The following MGRN1 variants were observed in gnomAD, a reference collection of about 807,000 sequenced individuals.
MGRN1 encodes the protein E3 ubiquitin-protein ligase MGRN1.
In MGRN1, 29 loss-of-function variants were observed where a neutral mutation model predicts 69.2. The observed-to-expected ratio is 0.42, with a 90% CI of 0.31 to 0.57. The LOEUF is 0.57. Among genes scored for constraint, MGRN1 ranks in the 20% least tolerant of loss-of-function variants. The probability of loss-of-function intolerance (pLI) is 0.15; values close to 1 mark genes in which losing one functional copy is unlikely to be tolerated. For missense variants in MGRN1, 998 were observed against 796.2 expected, an observed-to-expected ratio of 1.25 and a Z score of -3.05; for synonymous variants, 470 against 344.2, an observed-to-expected ratio of 1.37 and a Z score of -4.04.
chr16:4,659,818 G>T (rs1370121818), intron 5 of MGRN1, among the ~76,000 whole-genome samples: 1 of 151,140 alleles, frequency 6.6e-6, no homozygotes, highest in African/African-American at 2.4e-5. Context: ...AGAGAAGGCT[G>T]GGTGGCCTGA....
chr16:4,664,254 A>G (rs573388676), intron 5 of MGRN1: 3 of 232,192 alleles, frequency 1.3e-5, no homozygotes, highest in South Asian at 1.2e-4. Flanking sequence ...AAACATACCT[A>G]GACACAGAAG....
chr16:4,642,744 G>A lies in MGRN1; in HGVS notation c.89-7621G>A, dbSNP rs111589155. Among the ~76,000 whole-genome samples, 635 of 152,058 alleles carry A rather than the reference G, an allele frequency of 4.2e-3. 5 individuals carry two copies. Among genetic ancestry groups the A allele is most frequent in the African/African-American group, 0.015 (608 of 41,460 alleles). ...GGCCTCCCAAAGTGCTGGGATTACA[G>A]GGGTGAGCACCGTGCCTGGTGGGTT... On this transcript the variant is annotated intron_variant, in intron 1 of 16. Transcript: ENST00000262370.
rs759263237 is a variant in MGRN1, at chr16:4,672,599, A to G, written c.796-899A>G. Reference sequence around the variant, plus strand: ...AGGGAATGTTTTCAGCCGCCCGGGCATATGGTCTCTGTTGCACTGACTCCA... The same window carrying G: ...AGGGAATGTTTTCAGCCGCCCGGGCGTATGGTCTCTGTTGCACTGACTCCA... On this transcript the variant is annotated intron_variant, in intron 9 of 16. Transcript: ENST00000262370. The G allele has an allele frequency of 1.5e-4, 60 of 390,812 alleles. 4 individuals are homozygous for G. Among genetic ancestry groups the G allele is most frequent in the South Asian group, 9.1e-4 (48 of 52,846 alleles). The allele number at this position is 390,812 out of a possible 1,614,324, so 24.2% of individuals were successfully genotyped here. A position where few individuals can be genotyped will look rare whatever the true frequency, so the allele number is the denominator to read the frequency against.
intron 1 of MGRN1, chr16:4,649,494 T>C (rs530887658): frequency 1.3e-5 from 2 of 152,396 alleles, no homozygotes; most frequent in South Asian, 4.1e-4. Context: ...CCTGGGCTTG[T>C]GGCCGCATCA....
chr16:4,671,037 G>A (rs1035402339), intron 8 of MGRN1, among the ~76,000 whole-genome samples: 1 of 152,238 alleles, frequency 6.6e-6, no homozygotes, highest in Admixed American at 6.5e-5. Context: ...TTAGGCTGCT[G>A]TCTGGTGCCT....
At chr16:4,648,838 C>T (rs58278190) in intron 1 of MGRN1, among the ~76,000 whole-genome samples, 1 of 125,288 alleles carries the variant, frequency 8.0e-6, no homozygotes, top group Admixed American at 7.5e-5. Context: ...GGTCCTCCTC[C>T]CGGGGCTCTT....
rs1478986382 is a variant in MGRN1, at chr16:4,639,084, C to CA, written c.89-11278dup. Among the ~76,000 whole-genome samples, 3 of 152,196 alleles carry CA rather than the reference C, an allele frequency of 2.0e-5. No individual in the cohort carries two copies. In the East Asian group the frequency reaches 5.8e-4, roughly 29 times the overall value. Reference sequence around the variant, plus strand: ...TCACCGGGCCAGTTTCCCTGACTGTCAAACACCAGTAACAACAGCATCTGC... The same window carrying CA: ...TCACCGGGCCAGTTTCCCTGACTGTCAAAACACCAGTAACAACAGCATCTGC... On this transcript the variant is annotated intron_variant, in intron 1 of 16. Coordinates refer to ENST00000262370, the MANE Select transcript of MGRN1 (RefSeq NM_015246.4).
chr16:4,679,039 G>C (rs1333577768), intron 11 of MGRN1, among the ~76,000 whole-genome samples: 2 of 152,208 alleles, frequency 1.3e-5, no homozygotes, highest in Non-Finnish European at 2.9e-5. Context: ...ATGGCTTGGG[G>C]GTCCCTGTCA....
intron 10 of MGRN1, among the ~76,000 whole-genome samples, chr16:4,674,382 G>A (rs1283570708): frequency 4.3e-4 from 66 of 151,880 alleles, no homozygotes; most frequent in Non-Finnish European, 4.4e-5. Flanking sequence ...TCCGCCTCCC[G>A]GGTTTAAGTG....
chr16:4,664,400 T>G, intron 5 of MGRN1: 16 of 401,738 alleles, frequency 4.0e-5, no homozygotes, highest in South Asian at 1.2e-4. Context: ...ACGTGTGGGG[T>G]TTCCGTTTGG....
intron 1 of MGRN1, chr16:4,634,924 C>T (rs527673795): frequency 6.6e-6 from 1 of 152,352 alleles, no homozygotes; most frequent in East Asian, 1.9e-4. Context: ...GGGCTCAGCA[C>T]TGGCGCCACT....
At chr16:4,660,417 C>A (rs1364314122) in intron 5 of MGRN1, among the ~76,000 whole-genome samples, 1 of 152,234 alleles carries the variant, frequency 6.6e-6, no homozygotes, top group African/African-American at 2.4e-5. Flanking sequence ...TTGCACGCCT[C>A]CCCAGACCGT....
chr16:4,636,213 C>T (rs1304788390), intron 1 of MGRN1, among the ~76,000 whole-genome samples: 1 of 152,064 alleles, frequency 6.6e-6, no homozygotes, highest in Non-Finnish European at 1.5e-5. Flanking sequence ...CAGAGGCCCC[C>T]TATTGTCCCC....
In MGRN1 at chr16:4,657,354, G is replaced by C; in HGVS notation, c.552G>C (p.Lys184Asn). ...TCAAGATTGACTTCTCGGAATGGAAGGATGACGAGGTAATGCTGGCTGGGC... is the reference window on the plus strand; with the variant it reads ...TCAAGATTGACTTCTCGGAATGGAACGATGACGAGGTAATGCTGGCTGGGC... ...PSFKIDFSEWKDDELNFDLDR... is the reference protein window; with the variant it reads ...PSFKIDFSEWNDDELNFDLDR... Residue 184 changes from lysine (K) to asparagine (N), a missense_variant, in exon 5 of 17, where the codon AAG (lysine) becomes AAC (asparagine). Coordinates refer to ENST00000262370, the MANE Select transcript of MGRN1 (RefSeq NM_015246.4). 1 of 1,613,932 alleles carries C rather than the reference G, an allele frequency of 6.2e-7. No individual in the cohort carries two copies. The highest frequency in any genetic ancestry group is 8.5e-7 in the Non-Finnish European group (1 of 1,179,792).
intron 8 of MGRN1, among the ~76,000 whole-genome samples, chr16:4,668,564 C>T (rs1045242049): frequency 3.3e-5 from 5 of 151,466 alleles, no homozygotes; most frequent in South Asian, 2.1e-4. Flanking sequence ...CACTCCTACT[C>T]GCACACACTC....
intron 1 of MGRN1, among the ~76,000 whole-genome samples, chr16:4,644,724 C>G (rs1436582249): frequency 6.6e-6 from 1 of 152,128 alleles, no homozygotes; most frequent in Non-Finnish European, 1.5e-5. Flanking sequence ...ACATAAAAAC[C>G]TAGTACAAAA....
chr16:4,665,980 C>T (rs1414925215), intron 7 of MGRN1, among the ~76,000 whole-genome samples: 2 of 152,070 alleles, frequency 1.3e-5, no homozygotes, highest in Non-Finnish European at 2.9e-5. Flanking sequence ...CAGATGCCCG[C>T]CACCATGCCC....
In MGRN1 at chr16:4,624,888, C is replaced by A; in HGVS notation, c.-73C>A. On this transcript the variant is annotated 5_prime_UTR_variant, in exon 1 of 17. Coordinates refer to ENST00000262370, the MANE Select transcript of MGRN1 (RefSeq NM_015246.4). ...CCGTGCGGCCTGGTCCGGGCCATGTCCGCGTGAGGACCCCGCCGCTGTCGC... is the reference window on the plus strand; with the variant it reads ...CCGTGCGGCCTGGTCCGGGCCATGTACGCGTGAGGACCCCGCCGCTGTCGC... 1 of 1,345,260 alleles carries A rather than the reference C, an allele frequency of 7.4e-7. No homozygotes were observed. Among genetic ancestry groups the A allele is most frequent in the Non-Finnish European group, 1.0e-6 (1 of 998,934 alleles). The allele number at this position is 1,345,260 out of a possible 1,614,324, so 83.3% of individuals were successfully genotyped here. A position where few individuals can be genotyped will look rare whatever the true frequency, so the allele number is the denominator to read the frequency against.
chr16:4,655,410 C>A (rs992613016), intron 4 of MGRN1, among the ~76,000 whole-genome samples: 2 of 151,872 alleles, frequency 1.3e-5, no homozygotes, highest in Admixed American at 1.3e-4. Flanking sequence ...ATGCCACAGT[C>A]CCCCCCTCTC....
Sources: gnomAD v4.1 joint callset for allele counts (sites outside exome capture counted in the v4.1 genomes callset) on GRCh38, gnomAD v4.1.1 for gene constraint, MANE v1.5 for transcripts, NCBI Gene and HGNC (gene_info 2026-07-23, HGNC 2026-07-21) for gene names.